The following NKAIN3 variants were observed in gnomAD, a reference collection of about 807,000 sequenced individuals.
The protein encoded by NKAIN3 is sodium/potassium-transporting ATPase subunit beta-1-interacting protein 3.
In NKAIN3, 25 loss-of-function variants were observed where a neutral mutation model predicts 30.2. The ratio of observed to expected loss-of-function variants is 0.83; its 90% CI spans 0.60 to 1.16. The LOEUF (loss-of-function observed/expected upper bound fraction) is 1.16. Among genes scored for constraint, NKAIN3 ranks in the 50% most tolerant of loss-of-function variants. NKAIN3 has a pLI of 0.00. For missense variants in NKAIN3, 225 were observed against 254.1 expected (o/e 0.89, Z 0.78); for synonymous variants, 91 against 89.6 (o/e 1.02, Z -0.09).
At chr8:62,285,234 T>G (rs935383672) in intron 1 of NKAIN3, among the ~76,000 whole-genome samples, 1 of 152,230 alleles carries the variant, frequency 6.6e-6, no homozygotes, top group Non-Finnish European at 1.5e-5. Context: ...ACTATTGATC[T>G]GAAGTTGCCA....
chr8:62,464,252 G>T (rs1806087114), intron 1 of NKAIN3, among the ~76,000 whole-genome samples: 2 of 152,226 alleles, frequency 1.3e-5, no homozygotes, highest in African/African-American at 4.8e-5. Flanking sequence ...AATAGAAGTT[G>T]GTGCAATGTT....
chr8:62,589,569 C>T (rs1810585887), intron 2 of NKAIN3, 145 bp from the exon 3 acceptor site: 4 of 473,232 alleles, frequency 8.5e-6, no homozygotes, highest in East Asian at 3.2e-5. Flanking sequence ...TAGGGGACCA[C>T]ATAGAGAGCA....
intron 1 of NKAIN3, among the ~76,000 whole-genome samples, chr8:62,472,100 A>T (rs71513480): frequency 0.17 from 25,700 of 151,896 alleles, 2,279 homozygotes; most frequent in Middle Eastern, 0.19. Context: ...AGTATCTAAA[A>T]ATCTCAGGAG....
chr8:62,742,503 G>A (rs914405065), intron 3 of NKAIN3, among the ~76,000 whole-genome samples: 1 of 152,168 alleles, frequency 6.6e-6, no homozygotes, highest in Admixed American at 6.5e-5. Flanking sequence ...AAATCCTCAT[G>A]CCAAAGTGGA....
chr8:62,885,497 A>G (rs1351153911), intron 4 of NKAIN3, among the ~76,000 whole-genome samples: 3 of 152,196 alleles, frequency 2.0e-5, no homozygotes, highest in African/African-American at 7.2e-5. Context: ...AATTATATCC[A>G]TCTGTTGATG....
chr8:62,542,261 A>G lies in NKAIN3; in HGVS notation c.55-37278A>G, dbSNP rs868206482. ...CCAATTAGCTTTGGTTGCCTACTCT[A>G]AATTCTTTCTGGATCACCATATCTA... On this transcript the variant is annotated intron_variant, in intron 1 of 6. Coordinates refer to ENST00000623646, the MANE Select transcript of NKAIN3 (RefSeq NM_001304533.3). Among the ~76,000 whole-genome samples the G allele has an allele frequency of 3.3e-5, 5 of 152,174 alleles. No individual in the cohort carries two copies. The South Asian group carries it at 1.0e-3, about 31-fold the overall frequency.
intron 4 of NKAIN3, among the ~76,000 whole-genome samples, chr8:62,768,965 A>AT: frequency 6.6e-6 from 1 of 152,258 alleles, no homozygotes; most frequent in East Asian, 1.9e-4. Context: ...TATTCAAAGT[A>AT]TTTTCATTGC....
intron 1 of NKAIN3, among the ~76,000 whole-genome samples, chr8:62,487,526 C>G (rs1464252663): frequency 6.6e-6 from 1 of 152,118 alleles, no homozygotes; most frequent in Non-Finnish European, 1.5e-5. Flanking sequence ...TGTTATAATT[C>G]CAGCAGTGAT....
chr8:62,744,384 G>C (rs1816002185), intron 3 of NKAIN3, among the ~76,000 whole-genome samples: 1 of 152,116 alleles, frequency 6.6e-6, no homozygotes, highest in African/African-American at 2.4e-5. Context: ...TATGCTGAAA[G>C]GTTTTATGAG....
chr8:62,776,261 T>G (rs1355354087), intron 4 of NKAIN3, among the ~76,000 whole-genome samples: 1 of 152,128 alleles, frequency 6.6e-6, no homozygotes, highest in Admixed American at 6.6e-5. Context: ...TTTGGATAAT[T>G]TAGTCTATTT....
At chr8:62,830,193 T>G (rs62509402) in intron 4 of NKAIN3, among the ~76,000 whole-genome samples, 12,735 of 152,222 alleles carry the variant, frequency 0.084, 580 homozygotes, top group South Asian at 0.14. Context: ...CTATATTTTC[T>G]GGTTTTGTTT....
In NKAIN3 at chr8:62,573,961, T is replaced by C. The variant is rs968346637; in HGVS notation, c.55-5578T>C. 2.0e-5 allele frequency among the ~76,000 whole-genome samples: 3 copies of C among 152,288 alleles called. No homozygotes were observed. The East Asian group carries it at 5.8e-4, about 29-fold the overall frequency. ...ACAGTCACCCTGTTGTATTATCAAA[T>C]ACTAGACCTTGTTCATACTTTCTAT... On this transcript the variant is annotated intron_variant, in intron 1 of 6. Transcript: ENST00000623646.
intron 1 of NKAIN3, among the ~76,000 whole-genome samples, chr8:62,308,757 T>C (rs1814335242): frequency 6.6e-6 from 1 of 150,424 alleles, no homozygotes; most frequent in Non-Finnish European, 1.5e-5. Flanking sequence ...GAAAGGAAGG[T>C]ACCATTAGCA....
intron 1 of NKAIN3, among the ~76,000 whole-genome samples, chr8:62,327,780 G>A (rs1025824576): frequency 1.3e-5 from 2 of 151,884 alleles, no homozygotes; most frequent in Non-Finnish European, 2.9e-5. Flanking sequence ...ATGCCCCTGA[G>A]ATTCCATATG....
In NKAIN3 at chr8:62,851,023, T is replaced by C. The variant is rs936411978; in HGVS notation, c.472-67430T>C. On this transcript the variant is annotated intron_variant, in intron 4 of 6. Transcript: ENST00000623646. ...CATTGGTAGCTTGATGGGGATGGCA[T>C]TGAATCTCTAAATTACCTTGGGCAG... Among the ~76,000 whole-genome samples the C allele has an allele frequency of 3.4e-4, 52 of 152,194 alleles. No homozygotes were observed. In the Middle Eastern group the frequency reaches 0.01, roughly 30 times the overall value.
intron 5 of NKAIN3, among the ~76,000 whole-genome samples, chr8:62,997,738 A>G (rs1804150823): frequency 6.7e-6 from 1 of 148,884 alleles, no homozygotes; most frequent in Non-Finnish European, 1.5e-5. Flanking sequence ...TTTACCAAAT[A>G]AATGAGCTCT....
intron 1 of NKAIN3, among the ~76,000 whole-genome samples, chr8:62,264,226 G>T (rs1812537785): frequency 6.6e-6 from 1 of 152,124 alleles, no homozygotes; most frequent in South Asian, 2.1e-4. Flanking sequence ...TCAGAATGTT[G>T]AAAGGAATAT....
chr8:62,461,682 G>T (rs1351813295), intron 1 of NKAIN3, among the ~76,000 whole-genome samples: 4 of 152,068 alleles, frequency 2.6e-5, no homozygotes, highest in Non-Finnish European at 5.9e-5. Flanking sequence ...TAACCTAAAA[G>T]AAAAATTCAC....
intron 1 of NKAIN3, among the ~76,000 whole-genome samples, chr8:62,464,550 A>G (rs1806096383): frequency 6.6e-6 from 1 of 152,192 alleles, no homozygotes; most frequent in Non-Finnish European, 1.5e-5. Flanking sequence ...GCGTAGTGCT[A>G]AAGAGTATCT....
Sources: allele counts gnomAD v4.1 joint callset (sites outside exome capture counted in the v4.1 genomes callset), GRCh38; gene constraint gnomAD v4.1.1; transcripts MANE v1.5; gene names NCBI Gene and HGNC (gene_info 2026-07-23, HGNC 2026-07-21).